Variants in RABGAP1L observed in about 807,000 individuals in gnomAD.
RABGAP1L encodes the protein rab GTPase-activating protein 1-like.
RABGAP1L carries 63 observed loss-of-function variants against 137.7 expected under a neutral mutation model. The ratio of observed to expected loss-of-function variants is 0.46; its 90% confidence interval spans 0.37 to 0.56. The LOEUF (loss-of-function observed/expected upper bound fraction) is 0.56. Ranked by LOEUF, RABGAP1L falls within the 20% of genes least tolerant of loss-of-function variation. The pLI is 0.00. For missense variants in RABGAP1L, 1,095 were observed against 1,244.0 expected (o/e 0.88, Z 1.80); for synonymous variants, 431 against 433.7 (o/e 0.99, Z 0.08).
intron 13 of RABGAP1L, among the ~76,000 whole-genome samples, chr1:174,404,926 G>T (rs570864312): frequency 6.6e-6 from 1 of 152,216 alleles, no homozygotes; most frequent in South Asian, 2.1e-4. Flanking sequence ...CTGCTTTCTT[G>T]AGCATTATAT....
chr1:174,749,570 A>G (rs1201526282), intron 17 of RABGAP1L, among the ~76,000 whole-genome samples: 3 of 152,076 alleles, frequency 2.0e-5, no homozygotes, highest in Admixed American at 6.5e-5. Context: ...CTGATTGGCA[A>G]TTGGTTGAAA....
chr1:174,634,576 A>G (rs1673767636), intron 13 of RABGAP1L, among the ~76,000 whole-genome samples: 3 of 136,964 alleles, frequency 2.2e-5, no homozygotes, highest in East Asian at 2.2e-4. Context: ...ATAAAGACAC[A>G]TGCACACGTA....
At chr1:174,516,710 G>T (rs1014672619) in intron 13 of RABGAP1L, among the ~76,000 whole-genome samples, 1 of 152,064 alleles carries the variant, frequency 6.6e-6, no homozygotes, top group African/African-American at 2.4e-5. Flanking sequence ...CAAAACAAGT[G>T]TGTTATAATT....
At chr1:174,760,682 T>C (rs907968027) in intron 18 of RABGAP1L, among the ~76,000 whole-genome samples, 1 of 152,218 alleles carries the variant, frequency 6.6e-6, no homozygotes. Flanking sequence ...TTTGGGCATA[T>C]ACAAAGTAAT....
At chr1:174,346,558 C>A (rs1038104277) in intron 11 of RABGAP1L, among the ~76,000 whole-genome samples, 2 of 152,036 alleles carry the variant, frequency 1.3e-5, no homozygotes, top group Non-Finnish European at 2.9e-5. Flanking sequence ...TCTAATAATT[C>A]TTCAAATATC....
intron 17 of RABGAP1L, among the ~76,000 whole-genome samples, chr1:174,741,456 G>A (rs1683403080): frequency 6.6e-6 from 1 of 152,032 alleles, no homozygotes; most frequent in African/African-American, 2.4e-5. Context: ...TCAACCTCAT[G>A]GGCCCAGATG....
intron 18 of RABGAP1L, among the ~76,000 whole-genome samples, chr1:174,778,016 A>T (rs1425497366): frequency 6.6e-6 from 1 of 152,084 alleles, no homozygotes; most frequent in Non-Finnish European, 1.5e-5. Context: ...TCCAAATTTG[A>T]TGAAAATTTT....
intron 21 of RABGAP1L, among the ~76,000 whole-genome samples, chr1:174,974,028 G>A (rs564285161): frequency 4.6e-5 from 6 of 131,334 alleles, no homozygotes; most frequent in South Asian, 2.4e-4. Context: ...TCGCTCTGTC[G>A]CCCAGGCTGG....
At chr1:174,666,482 G>C (rs1676796021) in intron 14 of RABGAP1L, among the ~76,000 whole-genome samples, 1 of 152,102 alleles carries the variant, frequency 6.6e-6, no homozygotes. Flanking sequence ...GATGAACTTT[G>C]CCACTGTTTA....
Position 174,538,109 on chromosome 1 carries a change from T to TA in RABGAP1L, c.1711-99265dup, listed in dbSNP as rs150614787. On this transcript the variant is annotated intron_variant, in intron 13 of 25. Transcript: ENST00000681986. Reference sequence around the variant, plus strand: ...ATCTTAGACCTCATTTCTCTCGTCATACGTGCTGTGGTACAACAATCTCTG... The same window carrying TA: ...ATCTTAGACCTCATTTCTCTCGTCATAACGTGCTGTGGTACAACAATCTCTG... Among the ~76,000 whole-genome samples, 183 of 152,322 alleles carry TA rather than the reference T, an allele frequency of 1.2e-3. 1 individual carries two copies. The highest frequency in any genetic ancestry group is 3.6e-3 in the African/African-American group (148 of 41,584).
At chr1:174,193,815 A>C (rs1667377476) in intron 1 of RABGAP1L, among the ~76,000 whole-genome samples, 1 of 152,212 alleles carries the variant, frequency 6.6e-6, no homozygotes, top group East Asian at 1.9e-4. Flanking sequence ...AGCTTTTAAA[A>C]TAGTATATAT....
chr1:174,383,468 C>T (rs954782103), intron 12 of RABGAP1L, among the ~76,000 whole-genome samples: 25 of 152,272 alleles, frequency 1.6e-4, no homozygotes, highest in African/African-American at 6.0e-4. Flanking sequence ...ACCCTCTGAG[C>T]CAGGTGTGGG....
intron 11 of RABGAP1L, among the ~76,000 whole-genome samples, chr1:174,311,803 C>T (rs575086608): frequency 2.4e-4 from 37 of 152,226 alleles, no homozygotes; most frequent in South Asian, 1.0e-3. Flanking sequence ...GACAGGGTTT[C>T]GCCGTGTTGG....
intron 17 of RABGAP1L, among the ~76,000 whole-genome samples, chr1:174,702,553 C>T (rs1679739107): frequency 6.6e-6 from 1 of 151,910 alleles, no homozygotes; most frequent in Non-Finnish European, 1.5e-5. Flanking sequence ...GTATAAAATG[C>T]CTTTAAGGTT....
intron 17 of RABGAP1L, among the ~76,000 whole-genome samples, chr1:174,741,855 CAAAAAAAAAAAAAA>C (rs775821774): frequency 4.8e-5 from 2 of 41,896 alleles, no homozygotes; most frequent in African/African-American, 1.1e-4. Flanking sequence ...CCTATTTCTA[CAAAAAAAAAAAAAA>C]AAAAAAAAAA....
intron 13 of RABGAP1L, chr1:174,449,140 G>A: frequency 6.2e-7 from 1 of 1,611,990 alleles, no homozygotes; most frequent in African/African-American, 1.3e-5. Flanking sequence ...TGTGTGTGAA[G>A]GATCAGGAAG....
intron 13 of RABGAP1L, among the ~76,000 whole-genome samples, chr1:174,485,725 G>A (rs1659554917): frequency 6.6e-6 from 1 of 152,140 alleles, no homozygotes; most frequent in African/African-American, 2.4e-5. Flanking sequence ...CTAATGTGTT[G>A]TTGAATTTGG....
At chr1:174,247,332 G>A (rs546719379) in intron 5 of RABGAP1L, among the ~76,000 whole-genome samples, 68 of 152,284 alleles carry the variant, frequency 4.5e-4, no homozygotes, top group Non-Finnish European at 6.6e-4. Flanking sequence ...CTTAAGTCCG[G>A]GAGTAGCCAG....
chr1:174,420,677 G>GTTT lies in RABGAP1L; in HGVS notation c.1710+26545_1710+26547dup, dbSNP rs67587872. On this transcript the variant is annotated intron_variant, in intron 13 of 25. Coordinates refer to ENST00000681986, the MANE Select transcript of RABGAP1L (RefSeq NM_001366446.1). The stretch of plus-strand genomic sequence containing the variant: ...ATCCAGTGTGGATTCTGGGTGTTTT[G>GTTT]TTTTTTTTTTTTTTTGAGACGGAGT... Among the ~76,000 whole-genome samples the GTTT allele has an allele frequency of 3.0e-4, 40 of 133,986 alleles. 1 individual carries two copies. Among genetic ancestry groups the GTTT allele is most frequent in the African/African-American group, 9.7e-4 (35 of 36,026 alleles). The allele number at this position is 133,986 out of a possible 152,430, so 87.9% of individuals were successfully genotyped here. A position where few individuals can be genotyped will look rare whatever the true frequency, so the allele number is the denominator to read the frequency against.
Sources: allele counts gnomAD v4.1 joint callset (sites outside exome capture counted in the v4.1 genomes callset), GRCh38; gene constraint gnomAD v4.1.1; transcripts MANE v1.5; gene names NCBI Gene and HGNC (gene_info 2026-07-23, HGNC 2026-07-21).